GRIN3A: variants seen among roughly 807,000 people sequenced by gnomAD.
The protein encoded by GRIN3A is glutamate receptor ionotropic, NMDA 3A.
GRIN3A carries 47 observed loss-of-function variants against 92.4 expected under a neutral mutation model. That is an observed-to-expected ratio of 0.51 (90% confidence interval 0.40 to 0.65). The LOEUF (loss-of-function observed/expected upper bound fraction) is 0.65, where lower values mean the gene tolerates loss of function less well. GRIN3A is among the 30% of genes least tolerant of loss of function. The probability of loss-of-function intolerance (pLI) is 0.00; values close to 1 mark genes in which losing one functional copy is unlikely to be tolerated. For missense variants in GRIN3A, 1,324 were observed against 1,393.1 expected (o/e 0.95, Z 0.79); for synonymous variants, 527 against 540.6 (o/e 0.97, Z 0.35).
At chr9:101,607,693 T>C (rs1828305591) in intron 6 of GRIN3A, among the ~76,000 whole-genome samples, 1 of 152,224 alleles carries the variant, frequency 6.6e-6, no homozygotes, top group South Asian at 2.1e-4. Flanking sequence ...GAAGTAGGCT[T>C]CAAGGATGGC....
chr9:101,736,312 G>T (rs1830205283), intron 1 of GRIN3A, among the ~76,000 whole-genome samples: 1 of 152,186 alleles, frequency 6.6e-6, no homozygotes, highest in South Asian at 2.1e-4. Context: ...GCTTAACACA[G>T]CTTGAGATTA....
intron 1 of GRIN3A, among the ~76,000 whole-genome samples, chr9:101,728,766 G>A (rs1830106157): frequency 6.6e-6 from 1 of 152,146 alleles, no homozygotes; most frequent in Non-Finnish European, 1.5e-5. Flanking sequence ...CATGGGCACT[G>A]CTTTTATAAT....
intron 6 of GRIN3A, among the ~76,000 whole-genome samples, chr9:101,609,119 G>A (rs1828323492): frequency 6.6e-6 from 1 of 152,238 alleles, no homozygotes; most frequent in Non-Finnish European, 1.5e-5. Context: ...GGGAGGCTGT[G>A]CAATTGCCAA....
At chr9:101,649,344 T>C (rs375791747) in intron 3 of GRIN3A, among the ~76,000 whole-genome samples, 1 of 151,994 alleles carries the variant, frequency 6.6e-6, no homozygotes, top group African/African-American at 2.4e-5. Context: ...GAGTGCCAAG[T>C]AGCCTCCAAG....
chr9:101,684,079 T>C (rs1829498730), intron 2 of GRIN3A, among the ~76,000 whole-genome samples: 1 of 149,272 alleles, frequency 6.7e-6, no homozygotes, highest in African/African-American at 2.5e-5. Flanking sequence ...CCCCTTCCTT[T>C]CCTTCTTCCT....
intron 1 of GRIN3A, among the ~76,000 whole-genome samples, chr9:101,690,070 C>T (rs1457063843): frequency 6.6e-6 from 1 of 152,040 alleles, no homozygotes; most frequent in East Asian, 1.9e-4. Flanking sequence ...CTTATAGGTA[C>T]ATTCAATTTA....
At chr9:101,705,177 C>T (rs941424931) in intron 1 of GRIN3A, among the ~76,000 whole-genome samples, 1 of 152,140 alleles carries the variant, frequency 6.6e-6, no homozygotes, top group South Asian at 2.1e-4. Context: ...CCTCTCCACC[C>T]CCATCCTGTG....
intron 6 of GRIN3A, chr9:101,593,996 A>C (rs1828071496): frequency 6.2e-6 from 1 of 162,470 alleles, no homozygotes; most frequent in Non-Finnish European, 1.3e-5. Flanking sequence ...ATATCTGAAC[A>C]CAAGCAAATG....
At chr9:101,654,176 G>A (rs1458179667) in intron 3 of GRIN3A, among the ~76,000 whole-genome samples, 1 of 151,358 alleles carries the variant, frequency 6.6e-6, no homozygotes, top group Admixed American at 6.6e-5. Flanking sequence ...TTATCTTACA[G>A]TCTTTGAATC....
intron 7 of GRIN3A, among the ~76,000 whole-genome samples, chr9:101,578,558 T>TA (rs1827854262): frequency 6.6e-6 from 1 of 152,218 alleles, no homozygotes; most frequent in Non-Finnish European, 1.5e-5. Context: ...CTCCCTTTGT[T>TA]AGAGTTCTTC....
intron 5 of GRIN3A, among the ~76,000 whole-genome samples, chr9:101,614,202 G>T (rs1588248832): frequency 6.6e-6 from 1 of 152,230 alleles, no homozygotes; most frequent in East Asian, 1.9e-4. Context: ...AAGCAGTTTG[G>T]TATTATTTTA....
intron 1 of GRIN3A, among the ~76,000 whole-genome samples, chr9:101,728,489 CA>C: frequency 6.6e-6 from 1 of 152,158 alleles, no homozygotes; most frequent in Non-Finnish European, 1.5e-5. Flanking sequence ...ACTGCAAACA[CA>C]AAGGAAAATC....
chr9:101,581,572 A>G (rs927431838), intron 6 of GRIN3A, among the ~76,000 whole-genome samples: 6 of 152,182 alleles, frequency 3.9e-5, no homozygotes, highest in African/African-American at 1.4e-4. Context: ...GAGGACAAGC[A>G]ACAAGATGCC....
At chr9:101,604,188 AAG>A (rs1328185795) in intron 6 of GRIN3A, among the ~76,000 whole-genome samples, 10 of 152,180 alleles carry the variant, frequency 6.6e-5, no homozygotes, top group African/African-American at 1.9e-4. Context: ...AGGAGGGAGA[AAG>A]AGAGAAAGAA....
intron 5 of GRIN3A, among the ~76,000 whole-genome samples, chr9:101,622,953 A>G (rs1021457991): frequency 3.3e-5 from 5 of 151,454 alleles, no homozygotes; most frequent in Admixed American, 3.3e-4. Flanking sequence ...GGAGTTGGAG[A>G]CAAGCTTGGG....
In GRIN3A at chr9:101,737,358, C is replaced by T; in HGVS notation, c.622G>A (p.Glu208Lys). The T allele has an allele frequency of 6.2e-7, 1 of 1,614,224 alleles. No individual in the cohort carries two copies. Among genetic ancestry groups the T allele is most frequent in the Non-Finnish European group, 8.5e-7 (1 of 1,180,032 alleles). ...AGGACTAAGCTGACCAAGTCGAGCTCCATCATTTCGCCCTGGCTCTGGGGG... is the reference window on the plus strand; with the variant it reads ...AGGACTAAGCTGACCAAGTCGAGCTTCATCATTTCGCCCTGGCTCTGGGGG... ...AFPQSQGEMM[E>K]LDLVSLVLHI... Residue 208 changes from glutamate (E) to lysine (K), a missense_variant, in exon 1 of 9, where the codon GAG (glutamate) becomes AAG (lysine). Glu to Lys is a moderately conservative substitution (Grantham distance 56). Transcript: ENST00000361820.
intron 6 of GRIN3A, among the ~76,000 whole-genome samples, chr9:101,604,345 A>ACTGG (rs1181857826): frequency 3.8e-4 from 58 of 152,342 alleles, no homozygotes; most frequent in African/African-American, 1.3e-3. Flanking sequence ...TCTTTCTCAG[A>ACTGG]CTGGCTTCCC....
chr9:101,678,233 C>T (rs1829423849), intron 2 of GRIN3A, among the ~76,000 whole-genome samples: 1 of 152,086 alleles, frequency 6.6e-6, no homozygotes, highest in Non-Finnish European at 1.5e-5. Flanking sequence ...CATCACTTTG[C>T]CAGAAGAATG....
intron 1 of GRIN3A, among the ~76,000 whole-genome samples, chr9:101,724,300 C>T (rs1017234428): frequency 5.9e-5 from 9 of 152,180 alleles, no homozygotes; most frequent in African/African-American, 1.9e-4. Context: ...TCAAGCGCAG[C>T]GCCGGTGGGC....
Sources: gnomAD v4.1 joint callset for allele counts (sites outside exome capture counted in the v4.1 genomes callset) on GRCh38, gnomAD v4.1.1 for gene constraint, MANE v1.5 for transcripts, NCBI Gene and HGNC (gene_info 2026-07-23, HGNC 2026-07-21) for gene names.